HS6ST2: variants seen among roughly 807,000 people sequenced by gnomAD.
HS6ST2 encodes heparan-sulfate 6-O-sulfotransferase 2.
In HS6ST2, 17 loss-of-function variants were observed where a neutral mutation model predicts 33.0. The observed-to-expected ratio is 0.52, with a 90% CI of 0.35 to 0.77. The LOEUF (loss-of-function observed/expected upper bound fraction) is 0.77, where lower values mean the gene tolerates loss of function less well. Ranked by LOEUF, HS6ST2 falls within the 30% of genes least tolerant of loss-of-function variation. The pLI, the probability that HS6ST2 is intolerant of heterozygous loss-of-function variation, is 0.01. For missense variants in HS6ST2, 519 were observed against 551.7 expected (o/e 0.94, Z 0.59); for synonymous variants, 248 against 237.1 (o/e 1.05, Z -0.42).
chrX:132,732,089 C>G (rs1422236559), intron 2 of HS6ST2, among the ~76,000 whole-genome samples: 2 of 112,151 alleles, frequency 1.8e-5, no homozygotes, highest in Non-Finnish European at 3.8e-5. Flanking sequence ...TTTAATTTTA[C>G]TATGTTAAGG....
intron 2 of HS6ST2, among the ~76,000 whole-genome samples, chrX:132,782,652 T>C (rs756544870): frequency 1.8e-5 from 2 of 111,142 alleles, no homozygotes; most frequent in Non-Finnish European, 3.8e-5. Flanking sequence ...TGAATAAGTC[T>C]AGTAGGCAGT....
chrX:132,741,637 T>A (rs2064581689), intron 2 of HS6ST2, among the ~76,000 whole-genome samples: 1 of 111,187 alleles, frequency 9.0e-6, no homozygotes, highest in East Asian at 2.8e-4. Flanking sequence ...TGGATTCTTA[T>A]AGTTATGCAG....
At position 132,770,978 on chromosome X, in the gene HS6ST2, A is replaced by C. The variant is rs769936135; in HGVS notation, c.948-62484T>G. Among the ~76,000 whole-genome samples, 3 of 112,162 alleles carry C rather than the reference A, an allele frequency of 2.7e-5. No individual in the cohort carries two copies. In the South Asian group the frequency reaches 1.1e-3, roughly 42 times the overall value. On this transcript the variant is annotated intron_variant, in intron 2 of 4. Coordinates refer to ENST00000370833, the MANE Select transcript of HS6ST2 (RefSeq NM_001394073.1). ...GAAAGTGAAGTCTTATGCAGCCATT[A>C]AACTTTTTATTTTCAGATAATATTT... is the stretch of plus-strand genomic sequence containing the variant.
chrX:132,699,825 T>C (rs2064129946), intron 3 of HS6ST2, among the ~76,000 whole-genome samples: 1 of 112,141 alleles, frequency 8.9e-6, no homozygotes. Context: ...AGCAGTGAGC[T>C]TAAGAAACAC....
intron 2 of HS6ST2, among the ~76,000 whole-genome samples, chrX:132,785,096 A>G (rs2065049943): frequency 8.9e-6 from 1 of 112,448 alleles, no homozygotes; most frequent in Non-Finnish European, 1.9e-5. Context: ...ACAGCTAACA[A>G]TGTATTAAAA....
At position 132,828,038 on chromosome X, in the gene HS6ST2, T is replaced by C. The variant is rs188615006; in HGVS notation, c.948-119544A>G. ...ACCAAAACAAACATATCATTTTATC[T>C]GCCCAATCCTAATCACTCTGGGAGA... is the stretch of plus-strand genomic sequence containing the variant. On this transcript the variant is annotated intron_variant, in intron 2 of 4. Coordinates refer to ENST00000370833, the MANE Select transcript of HS6ST2 (RefSeq NM_001394073.1). Among the ~76,000 whole-genome samples the C allele has an allele frequency of 2.1e-4, 23 of 111,982 alleles. No individual in the cohort carries two copies. The East Asian group carries it at 6.0e-3, about 29-fold the overall frequency.
intron 2 of HS6ST2, among the ~76,000 whole-genome samples, chrX:132,854,690 T>C (rs1465000180): frequency 8.9e-6 from 1 of 112,650 alleles, no homozygotes; most frequent in Non-Finnish European, 1.9e-5. Context: ...GCAGTAAGAC[T>C]ATTTCTTTTA....
intron 3 of HS6ST2, among the ~76,000 whole-genome samples, chrX:132,700,015 C>T (rs1359336643): frequency 1.8e-5 from 2 of 111,560 alleles, no homozygotes; most frequent in African/African-American, 6.5e-5. Flanking sequence ...TCTGACATTC[C>T]ACCACTGTAC....
intron 2 of HS6ST2, among the ~76,000 whole-genome samples, chrX:132,917,636 C>T (rs187457290): frequency 9.1e-6 from 1 of 110,453 alleles, no homozygotes; most frequent in African/African-American, 3.3e-5. Flanking sequence ...TCTTTTGTGA[C>T]TAAAATGACC....
intron 2 of HS6ST2, among the ~76,000 whole-genome samples, chrX:132,880,864 G>C (rs1270098138): frequency 6.6e-5 from 7 of 105,494 alleles, no homozygotes; most frequent in Non-Finnish European, 1.4e-4. Context: ...ACCTATGAGT[G>C]AGAACATGCA....
chrX:132,931,247 A>G (rs757273305), intron 2 of HS6ST2, among the ~76,000 whole-genome samples: 1 of 111,690 alleles, frequency 9.0e-6, no homozygotes, highest in South Asian at 3.8e-4. Flanking sequence ...GATACCCACA[A>G]TTCCTAGCTC....
chrX:132,956,893 C>T lies in HS6ST2; in HGVS notation c.862G>A (p.Gly288Arg), dbSNP rs1423482227. 1 of 1,193,588 alleles carries T rather than the reference C, an allele frequency of 8.4e-7. No homozygotes were observed. The highest frequency in any genetic ancestry group is 1.8e-5 in the South Asian group (1 of 54,420). Residue 288 changes from glycine to arginine, a missense_variant, in exon 2 of 5, where the codon GGG (glycine) becomes AGG (arginine). Transcript: ENST00000370833. ...FSRFSTGWSC[G>R]LHADWTELTS... is the part of the protein sequence containing the mutation. ...AGCTCGGTCCAGTCGGCGTGCAACC[C>T]GCAGCTCCAGCCCGTGGAGAACCTG...
intron 2 of HS6ST2, among the ~76,000 whole-genome samples, chrX:132,838,972 A>T (rs759231110): frequency 1.2e-3 from 132 of 107,637 alleles, no homozygotes; most frequent in African/African-American, 4.1e-3. Flanking sequence ...GTCGGAAAAA[A>T]AAAAAACAGA....
chrX:132,861,157 C>T (rs1055031133), intron 2 of HS6ST2, among the ~76,000 whole-genome samples: 2 of 111,224 alleles, frequency 1.8e-5, no homozygotes, highest in South Asian at 3.8e-4. Context: ...TGCTGTTTTT[C>T]GTTTGCCATT....
At chrX:132,956,152 G>A (rs1052785665) in intron 2 of HS6ST2, among the ~76,000 whole-genome samples, 1 of 111,771 alleles carries the variant, frequency 8.9e-6, no homozygotes, top group Admixed American at 9.4e-5. Context: ...CGCCCGGGAA[G>A]ACCAGAGCCA....
chrX:132,874,061 C>T (rs1451547816), intron 2 of HS6ST2, among the ~76,000 whole-genome samples: 1 of 111,198 alleles, frequency 9.0e-6, no homozygotes, highest in South Asian at 3.8e-4. Flanking sequence ...CACTGCCCTC[C>T]GCGAGGTCTA....
intron 2 of HS6ST2, among the ~76,000 whole-genome samples, chrX:132,905,863 A>G (rs2066469463): frequency 9.0e-6 from 1 of 111,622 alleles, no homozygotes; most frequent in East Asian, 2.8e-4. Context: ...GTGTCTATGA[A>G]AAAATGTTTT....
chrX:132,838,059 G>C (rs780354714), intron 2 of HS6ST2, among the ~76,000 whole-genome samples: 2 of 111,272 alleles, frequency 1.8e-5, no homozygotes, highest in South Asian at 3.8e-4. Flanking sequence ...TTTTATGGCT[G>C]TATTCCTTCA....
At chrX:132,717,172 C>A (rs951888524) in intron 2 of HS6ST2, among the ~76,000 whole-genome samples, 2 of 113,129 alleles carry the variant, frequency 1.8e-5, no homozygotes, top group Non-Finnish European at 3.7e-5. Context: ...ATATATGTCA[C>A]CTGCTTTCAG....
Sources: gnomAD v4.1 joint callset for allele counts (sites outside exome capture counted in the v4.1 genomes callset) on GRCh38, gnomAD v4.1.1 for gene constraint, MANE v1.5 for transcripts, NCBI Gene and HGNC (gene_info 2026-07-23, HGNC 2026-07-21) for gene names.